The following ADPGK variants were observed in gnomAD, a reference collection of about 807,000 sequenced individuals.
ADPGK encodes ADP-dependent glucokinase.
Under a neutral mutation model 42.4 loss-of-function variants are expected in ADPGK, and 26 were observed. That is an observed-to-expected ratio of 0.61 (90% confidence interval 0.45 to 0.85). The LOEUF (loss-of-function observed/expected upper bound fraction) is 0.85, where lower values mean the gene tolerates loss of function less well. Ranked by LOEUF, ADPGK falls within the 40% of genes least tolerant of loss-of-function variation. ADPGK has a pLI of 0.00. For missense variants in ADPGK, 571 were observed against 627.0 expected (o/e 0.91, Z 0.95); for synonymous variants, 267 against 252.6 (o/e 1.06, Z -0.54).
rs954657900 is a variant in ADPGK, at chr15:72,752,008, G to A, written c.*333C>T. 2 of 270,528 alleles carry A rather than the reference G, an allele frequency of 7.4e-6. No individual in the cohort carries two copies. Among genetic ancestry groups the A allele is most frequent in the Non-Finnish European group, 1.4e-5 (2 of 141,502 alleles). 16.8% of individuals were successfully genotyped at this position (270,528 alleles called of 1,614,324 possible). A position where few individuals can be genotyped will look rare whatever the true frequency, so the allele number is the denominator to read the frequency against. Reference sequence around the variant, plus strand: ...GGGTGAGTGGGCGTGCACTTCTCAAGTGGGCAAGGAAGAACTGCTTTTCTC... The same window carrying A: ...GGGTGAGTGGGCGTGCACTTCTCAAATGGGCAAGGAAGAACTGCTTTTCTC... On this transcript the variant is annotated 3_prime_UTR_variant, in exon 7 of 7. Coordinates refer to ENST00000456471, the MANE Select transcript of ADPGK (RefSeq NM_001365225.1).
chr15:72,780,348 GA>G, intron 1 of ADPGK, among the ~76,000 whole-genome samples: 1 of 152,254 alleles, frequency 6.6e-6, no homozygotes, highest in East Asian at 1.9e-4. Context: ...GATCTCATGA[GA>G]ACGAACTCAC....
chr15:72,762,499 G>GA (rs2066207596), intron 3 of ADPGK, among the ~76,000 whole-genome samples: 1 of 152,144 alleles, frequency 6.6e-6, no homozygotes, highest in East Asian at 1.9e-4. Flanking sequence ...TTCTGAAAAA[G>GA]TCTTGCCCCA....
chr15:72,757,234 T>C (rs935900551), intron 4 of ADPGK: 6 of 151,506 alleles, frequency 4.0e-5, no homozygotes, highest in Non-Finnish European at 5.9e-5. Context: ...TGAGATGGAG[T>C]TTCACTCTGT....
intron 3 of ADPGK, among the ~76,000 whole-genome samples, chr15:72,766,860 C>T (rs2066267287): frequency 6.6e-6 from 1 of 151,718 alleles, no homozygotes; most frequent in African/African-American, 2.4e-5. Context: ...CAAAAGAGTA[C>T]AGAAAAAGAG....
intron 4 of ADPGK, chr15:72,758,493 A>T (rs977100780): frequency 1.9e-5 from 6 of 322,454 alleles, no homozygotes; most frequent in Admixed American, 1.3e-4. Context: ...CTGGGAATGG[A>T]TTTCTGTTGA....
In ADPGK at chr15:72,783,649, G is replaced by A; in HGVS notation, c.43C>T (p.Leu15=). 3.3e-6 allele frequency: 5 copies of A among 1,509,578 alleles called. No individual in the cohort carries two copies. The South Asian group carries it at 4.9e-5, about 15-fold the overall frequency. 93.5% of individuals were successfully genotyped at this position (1,509,578 alleles called of 1,614,324 possible). A position where few individuals can be genotyped will look rare whatever the true frequency, so the allele number is the denominator to read the frequency against. ...RGSAYAGFLA[L]AVGCVFLLEP... Reference sequence around the variant, plus strand: ...AGCAGGAAGACGCAGCCCACGGCCAGCGCCAGGAAGCCCGCGTACGCGGAG... The same window carrying A: ...AGCAGGAAGACGCAGCCCACGGCCAACGCCAGGAAGCCCGCGTACGCGGAG... The change falls in exon 1 of 7, where the codon CTG becomes TTG. Residue 15 remains leucine (L), a synonymous_variant. Transcript: ENST00000456471.
At chr15:72,757,958 G>C (rs1399349891) in intron 4 of ADPGK, 13 of 998,510 alleles carry the variant, frequency 1.3e-5, no homozygotes, top group South Asian at 6.2e-5. Flanking sequence ...ACCGTGCAGA[G>C]CTGCTTGCTG....
At chr15:72,771,374 A>G (rs929576269) in intron 3 of ADPGK, among the ~76,000 whole-genome samples, 2 of 152,136 alleles carry the variant, frequency 1.3e-5, no homozygotes, top group African/African-American at 2.4e-5. Flanking sequence ...CAAGGCCCAC[A>G]TGCTCCTAAC....
chr15:72,771,845 G>C lies in ADPGK; in HGVS notation c.460C>G (p.His154Asp). Reference sequence around the variant, plus strand: ...AAAGCTGCATTTCCTCCTACATAGTGCTGTAAGAGAGTTCAAGGCTTTTAG... The same window carrying C: ...AAAGCTGCATTTCCTCCTACATAGTCCTGTAAGAGAGTTCAAGGCTTTTAG... ...QVASEFPGAQ[H>D]YVGGNAALIG... is the part of the protein sequence containing the mutation. Residue 154 changes from histidine (H) to aspartate (D), a missense_variant and splice_region_variant, in exon 3 of 7, where the codon CAC (histidine) becomes GAC (aspartate). Around this residue, in one of 2 missense-constraint regions of ADPGK, gnomAD observed 434 missense variants for 522.7 expected, o/e 0.83. Transcript: ENST00000456471. The C allele has an allele frequency of 6.2e-7, 1 of 1,609,772 alleles. No individual in the cohort carries two copies. The highest frequency in any genetic ancestry group is 8.5e-7 in the Non-Finnish European group (1 of 1,177,718).
At position 72,778,023 on chromosome 15, in the gene ADPGK, T is replaced by A. The variant is rs1595805566; in HGVS notation, c.234-2926A>T. ...CAGCACTTTGGGAGGCCAAGGCGGG[T>A]GGATCACTTGAGCCTAGGAGTTCCA... On this transcript the variant is annotated intron_variant, in intron 1 of 6. Transcript: ENST00000456471. 1.3e-5 allele frequency among the ~76,000 whole-genome samples: 2 copies of A among 151,684 alleles called. 1 individual carries two copies. The highest frequency in any genetic ancestry group is 2.9e-5 in the Non-Finnish European group (2 of 67,942).
intron 6 of ADPGK, among the ~76,000 whole-genome samples, chr15:72,754,929 G>A (rs931333303): frequency 2.0e-5 from 3 of 152,204 alleles, no homozygotes; most frequent in Non-Finnish European, 4.4e-5. Flanking sequence ...GTGCAAGTAG[G>A]GAAGGGGAGG....
intron 3 of ADPGK, among the ~76,000 whole-genome samples, chr15:72,761,721 C>CA (rs1342697091): frequency 6.9e-6 from 1 of 145,162 alleles, no homozygotes; most frequent in Non-Finnish European, 1.5e-5. Context: ...TTTTTTGAGA[C>CA]AGAGTTTTGC....
chr15:72,760,385 C>T, intron 4 of ADPGK, 22 bp downstream of exon 4: 1 of 1,578,434 alleles, frequency 6.3e-7, no homozygotes, highest in Non-Finnish European at 8.7e-7. Flanking sequence ...GTCTTGCCAC[C>T]ATTACTTACT....
At chr15:72,781,295 G>C (rs1308495664) in intron 1 of ADPGK, among the ~76,000 whole-genome samples, 1 of 152,018 alleles carries the variant, frequency 6.6e-6, no homozygotes, top group Non-Finnish European at 1.5e-5. Flanking sequence ...AACCTTTATG[G>C]CTTCCCCATA....
At chr15:72,764,176 G>A (rs1169606790) in intron 3 of ADPGK, among the ~76,000 whole-genome samples, 3 of 152,176 alleles carry the variant, frequency 2.0e-5, no homozygotes, top group Non-Finnish European at 2.9e-5. Context: ...TAGCGACGAA[G>A]GCATGTAGAA....
chr15:72,766,428 C>A (rs995728868), intron 3 of ADPGK, among the ~76,000 whole-genome samples: 3 of 152,182 alleles, frequency 2.0e-5, no homozygotes, highest in Admixed American at 6.5e-5. Context: ...GCTTCAGCCA[C>A]CACCCTGATC....
At chr15:72,775,700 AC>A (rs1223987226) in intron 1 of ADPGK, among the ~76,000 whole-genome samples, 4 of 151,890 alleles carry the variant, frequency 2.6e-5, no homozygotes, top group African/African-American at 9.7e-5. Flanking sequence ...CCCAGCTGAA[AC>A]CCTGCCTCTT....
In ADPGK at chr15:72,752,881, C is replaced by T. The variant is rs767194677; in HGVS notation, c.954G>A (p.Ala318=). The change falls in exon 7 of 7, where the codon GCG becomes GCA. Residue 318 remains alanine, a synonymous_variant. Transcript: ENST00000456471. ...SSIVHQQVFP[A]VTSLGLNEQE... Reference sequence around the variant, plus strand: ...GTTCATTCAGCCCAAGGGAAGTCACCGCGGGAAAGACCTGCTAACAAAAAC... The same window carrying T: ...GTTCATTCAGCCCAAGGGAAGTCACTGCGGGAAAGACCTGCTAACAAAAAC... 44 of 1,611,340 alleles carry T rather than the reference C, an allele frequency of 2.7e-5. No homozygotes were observed. Among genetic ancestry groups the T allele is most frequent in the Admixed American group, 2.3e-4 (14 of 59,618 alleles).
At chr15:72,783,175 C>T in intron 1 of ADPGK, 1 of 1,186,962 alleles carries the variant, frequency 8.4e-7, no homozygotes, top group Non-Finnish European at 1.0e-6. Flanking sequence ...AAAGTTGGAA[C>T]GAGGAAGAAG....
Sources: allele counts gnomAD v4.1 joint callset (sites outside exome capture counted in the v4.1 genomes callset), GRCh38; gene constraint gnomAD v4.1.1; regional missense constraint gnomAD v4.1.1; transcripts MANE v1.5; gene names NCBI Gene and HGNC (gene_info 2026-07-23, HGNC 2026-07-21).